The following SNX13 variants were observed in gnomAD, a reference collection of about 807,000 sequenced individuals.
SNX13 encodes the protein sorting nexin 13.
SNX13 carries 45 observed loss-of-function variants against 133.6 expected under a neutral mutation model. The observed-to-expected ratio is 0.34, with a 90% confidence interval of 0.27 to 0.43. The LOEUF (loss-of-function observed/expected upper bound fraction) is 0.43, where lower values mean the gene tolerates loss of function less well. SNX13 is among the 20% of genes least tolerant of loss of function. The probability of loss-of-function intolerance (pLI) is 1.00; values close to 1 mark genes in which losing one functional copy is unlikely to be tolerated. For synonymous variants in SNX13, 414 were observed against 373.9 expected (o/e 1.11, Z -1.24); for missense variants, 1,032 against 1,145.1 (o/e 0.90, Z 1.43).
chr7:17,807,305 C>A (rs977705999), intron 20 of SNX13, among the ~76,000 whole-genome samples: 3 of 152,074 alleles, frequency 2.0e-5, no homozygotes, highest in African/African-American at 7.2e-5. Context: ...GGGAGGGGCC[C>A]CCACTAAGGC....
chr7:17,904,393 G>A (rs1459289746), intron 1 of SNX13, among the ~76,000 whole-genome samples: 1 of 151,710 alleles, frequency 6.6e-6, no homozygotes, highest in African/African-American at 2.4e-5. Flanking sequence ...CTAATTCAGT[G>A]CTTAATTTAG....
chr7:17,816,070 T>C, intron 19 of SNX13, 112 bp downstream of exon 19: 1 of 1,197,768 alleles, frequency 8.3e-7, no homozygotes, highest in Non-Finnish European at 1.1e-6. Context: ...AAGTGGTTGC[T>C]ACCCTGTGAT....
At chr7:17,820,214 C>G (rs1358077525) in intron 18 of SNX13, among the ~76,000 whole-genome samples, 3 of 152,052 alleles carry the variant, frequency 2.0e-5, no homozygotes, top group Non-Finnish European at 4.4e-5. Flanking sequence ...TCATATTAAA[C>G]TAAACTCTCA....
chr7:17,868,811 T>C (rs1793710114), intron 8 of SNX13, among the ~76,000 whole-genome samples: 1 of 152,080 alleles, frequency 6.6e-6, no homozygotes, highest in African/African-American at 2.4e-5. Flanking sequence ...TGTTTATGGA[T>C]TCATTTATCT....
At position 17,823,416 on chromosome 7, in the gene SNX13, CAGA is replaced by C. The variant is rs1466837376; in HGVS notation, c.1706-1771_1706-1769del. ...TTTTGCTATTTCGTATATAACTGGGCAGAAGAAGGTCACTACAGCTTTTTGGTA... is the reference window on the plus strand; with the variant it reads ...TTTTGCTATTTCGTATATAACTGGGCAGAAGGTCACTACAGCTTTTTGGTA... On this transcript the variant is annotated intron_variant, in intron 17 of 25. Transcript: ENST00000428135. Among the ~76,000 whole-genome samples the C allele has an allele frequency of 3.3e-5, 5 of 152,192 alleles. No individual in the cohort carries two copies. In the East Asian group the frequency reaches 7.7e-4, roughly 24 times the overall value.
chr7:17,937,155 T>C (rs889987322), intron 1 of SNX13, among the ~76,000 whole-genome samples: 1 of 151,242 alleles, frequency 6.6e-6, no homozygotes, highest in African/African-American at 2.4e-5. Context: ...TAAAATAATA[T>C]AAATTGAAGC....
At chr7:17,859,216 A>G (rs1215799881) in intron 9 of SNX13, among the ~76,000 whole-genome samples, 1 of 152,132 alleles carries the variant, frequency 6.6e-6, no homozygotes. Context: ...ACTTCTATGT[A>G]GAATATACGA....
In SNX13 at chr7:17,906,564, A is replaced by G. The variant is rs78508605; in HGVS notation, c.13-9118T>C. 3.2e-3 allele frequency among the ~76,000 whole-genome samples: 484 copies of G among 152,260 alleles called. 18 individuals are homozygous for G. In the East Asian group the frequency reaches 0.08, roughly 25 times the overall value. On this transcript the variant is annotated intron_variant, in intron 1 of 25. Transcript: ENST00000428135. ...AAAAATCACACCTCCTTTACTCAGG[A>G]GGCCTACTCCTTAACTTCCTCTCAT...
chr7:17,800,772 A>G (rs1680424869), intron 22 of SNX13, among the ~76,000 whole-genome samples: 1 of 151,672 alleles, frequency 6.6e-6, no homozygotes, highest in Non-Finnish European at 1.5e-5. Flanking sequence ...TGACAGACGC[A>G]TAAGACAGAA....
chr7:17,796,188 A>T (rs963445319), intron 25 of SNX13: 87 of 151,928 alleles, frequency 5.7e-4, no homozygotes, highest in African/African-American at 2.0e-3. Context: ...GATTGAAAGA[A>T]GAAAAACGAG....
intron 11 of SNX13, among the ~76,000 whole-genome samples, chr7:17,847,251 A>G (rs1790654461): frequency 6.6e-6 from 1 of 152,148 alleles, no homozygotes. Flanking sequence ...ACACACACAC[A>G]CACGTAACAA....
At chr7:17,905,929 CT>C (rs1798349646) in intron 1 of SNX13, among the ~76,000 whole-genome samples, 2 of 152,194 alleles carry the variant, frequency 1.3e-5, no homozygotes, top group African/African-American at 4.8e-5. Context: ...CCTCAGCCTC[CT>C]GAGTAGCTGG....
At chr7:17,915,076 G>C (rs1019395114) in intron 1 of SNX13, among the ~76,000 whole-genome samples, 2 of 152,138 alleles carry the variant, frequency 1.3e-5, no homozygotes, top group African/African-American at 4.8e-5. Context: ...TGCTATTCTT[G>C]TATCAAATAA....
intron 5 of SNX13, among the ~76,000 whole-genome samples, chr7:17,878,562 T>C (rs1167968515): frequency 6.6e-6 from 1 of 152,206 alleles, no homozygotes; most frequent in African/African-American, 2.4e-5. Flanking sequence ...TTCATCTCTG[T>C]CTCTAATGCC....
At chr7:17,938,344 G>A (rs566930526) in intron 1 of SNX13, among the ~76,000 whole-genome samples, 19 of 152,302 alleles carry the variant, frequency 1.2e-4, no homozygotes, top group Non-Finnish European at 2.2e-4. Context: ...GTTAGGAGAT[G>A]AGATTCCAGT....
chr7:17,927,630 A>G (rs996176369), intron 1 of SNX13, among the ~76,000 whole-genome samples: 31 of 152,180 alleles, frequency 2.0e-4, no homozygotes, highest in African/African-American at 7.5e-4. Flanking sequence ...GCCTGTCCTT[A>G]TGACACTAAA....
chr7:17,857,296 T>C (rs954277496), intron 9 of SNX13, among the ~76,000 whole-genome samples: 1 of 152,180 alleles, frequency 6.6e-6, no homozygotes, highest in Non-Finnish European at 1.5e-5. Context: ...TGCTGCTAAA[T>C]TCTACCAAAT....
At chr7:17,930,758 CAGA>C (rs1012802656) in intron 1 of SNX13, among the ~76,000 whole-genome samples, 59 of 152,314 alleles carry the variant, frequency 3.9e-4, no homozygotes, top group African/African-American at 1.4e-3. Context: ...TCAGGCCGCA[CAGA>C]AGGAGGTGAG....
intron 9 of SNX13, among the ~76,000 whole-genome samples, chr7:17,861,533 A>T (rs916107133): frequency 9.9e-5 from 15 of 152,190 alleles, no homozygotes; most frequent in Non-Finnish European, 2.2e-4. Flanking sequence ...ATTGGTAACT[A>T]GCTTCCAATA....
Sources: gnomAD v4.1 joint callset for allele counts (sites outside exome capture counted in the v4.1 genomes callset) on GRCh38, gnomAD v4.1.1 for gene constraint, MANE v1.5 for transcripts, NCBI Gene and HGNC (gene_info 2026-07-23, HGNC 2026-07-21) for gene names.